GRK7: variants seen among roughly 807,000 people sequenced by gnomAD.
The protein encoded by GRK7 is rhodopsin kinase GRK7.
GRK7 carries 24 observed loss-of-function variants against 34.1 expected under a neutral mutation model. The observed-to-expected ratio is 0.70, with a 90% CI of 0.51 to 0.99. The LOEUF is 0.99. GRK7 is among the 50% of genes least tolerant of loss of function. GRK7 has a pLI of 0.00. For synonymous variants in GRK7, 256 were observed against 279.4 expected (o/e 0.92, Z 0.84); for missense variants, 644 against 707.3 (o/e 0.91, Z 1.02).
intron 4 of GRK7, among the ~76,000 whole-genome samples, chr3:141,788,349 G>A (rs1421919964): frequency 6.6e-6 from 1 of 152,206 alleles, no homozygotes. Flanking sequence ...GGGGAGAAAC[G>A]GGAACCCACC....
the GRK7 span, among the ~76,000 whole-genome samples, chr3:141,753,463 T>G: frequency 4.6e-5 from 7 of 152,222 alleles, no homozygotes; most frequent in Non-Finnish European, 1.0e-4. Context: ...CTGTTCCACC[T>G]CAGATCCTCA....
intron 1 of GRK7, among the ~76,000 whole-genome samples, chr3:141,771,651 T>C (rs550292697): frequency 1.8e-4 from 28 of 152,296 alleles, no homozygotes; most frequent in African/African-American, 6.5e-4. Flanking sequence ...CATTATGTAA[T>C]ATAGCCATAT....
At chr3:141,777,491 A>ATTTTTTTTTTTTTTTTTTTTTTTTTTTT (rs530806848) in intron 2 of GRK7, among the ~76,000 whole-genome samples, 1 of 80,594 alleles carries the variant, frequency 1.2e-5, no homozygotes, top group African/African-American at 5.9e-5. Flanking sequence ...AGCCCGGCTA[A>ATTTTTTTTTTTTTTTTTTTTTTTTTTTT]TTTTTTTTTT....
At position 141,807,656 on chromosome 3, in the gene GRK7, T is replaced by A. The variant is rs776739277; in HGVS notation, c.1062T>A (p.Asn354Lys). Residue 354 changes from asparagine to lysine, a missense_variant, in exon 5 of 6, where the codon AAT becomes AAA. By Grantham distance (94) the Asn-to-Lys change is moderately conservative (BLOSUM62 0). Coordinates refer to ENST00000682958, the MANE Select transcript of GRK7 (RefSeq NM_139209.3). ...GKPITQRAGT[N>K]GYMAPEILME... The stretch of plus-strand genomic sequence containing the variant: ...TTGGGATGTTACAGGCTGGAACCAA[T>A]GGTTACATGGCTCCTGAGATCCTAA... 1.4e-5 allele frequency: 23 copies of A among 1,613,858 alleles called. No individual in the cohort carries two copies. The Admixed American group carries it at 1.5e-4, about 11-fold the overall frequency.
intron 4 of GRK7, among the ~76,000 whole-genome samples, chr3:141,800,071 A>G (rs564142275): frequency 6.6e-6 from 1 of 152,332 alleles, no homozygotes; most frequent in East Asian, 1.9e-4. Context: ...GATGTTGTTT[A>G]TAGTCTCTTT....
chr3:141,754,964 A>G, the GRK7 span, among the ~76,000 whole-genome samples: 1 of 152,174 alleles, frequency 6.6e-6, no homozygotes, highest in African/African-American at 2.4e-5. Context: ...ACAAATTTGG[A>G]TAGTCCTTAA....
At chr3:141,789,981 T>C (rs951202372) in intron 4 of GRK7, among the ~76,000 whole-genome samples, 1 of 152,164 alleles carries the variant, frequency 6.6e-6, no homozygotes, top group Non-Finnish European at 1.5e-5. Context: ...TTCATGCACA[T>C]GGCAACATAT....
At chr3:141,751,695 A>C in the GRK7 span, among the ~76,000 whole-genome samples, 2 of 152,244 alleles carry the variant, frequency 1.3e-5, no homozygotes, top group Non-Finnish European at 2.9e-5. Context: ...GTGTTGTCTA[A>C]TAGTATAGCT....
chr3:141,815,979 CA>C (rs1265969062), intron 5 of GRK7, among the ~76,000 whole-genome samples: 1 of 152,058 alleles, frequency 6.6e-6, no homozygotes, highest in Non-Finnish European at 1.5e-5. Context: ...GAAGCTGTGA[CA>C]TAATAAATGT....
chr3:141,787,507 C>T (rs545702689), intron 4 of GRK7, among the ~76,000 whole-genome samples: 1 of 151,828 alleles, frequency 6.6e-6, no homozygotes, highest in African/African-American at 2.4e-5. Context: ...ACCTGTAATC[C>T]CAGCTACTCA....
intron 4 of GRK7, among the ~76,000 whole-genome samples, chr3:141,786,290 G>A (rs1029221017): frequency 6.6e-6 from 1 of 152,134 alleles, no homozygotes; most frequent in Non-Finnish European, 1.5e-5. Context: ...TACTTTTACA[G>A]ACATTGGAAC....
intron 4 of GRK7, among the ~76,000 whole-genome samples, chr3:141,802,395 CAT>C (rs1553737501): frequency 1.3e-5 from 2 of 151,678 alleles, no homozygotes; most frequent in Non-Finnish European, 2.9e-5. Context: ...CACACACACA[CAT>C]AGTGTGAGAT....
chr3:141,754,403 A>G, the GRK7 span, among the ~76,000 whole-genome samples: 2 of 144,110 alleles, frequency 1.4e-5, no homozygotes, highest in East Asian at 4.0e-4. Context: ...ATTGACTTGT[A>G]CTCGGTGAAG....
the GRK7 span, among the ~76,000 whole-genome samples, chr3:141,750,608 C>T: frequency 6.6e-6 from 1 of 152,130 alleles, no homozygotes; most frequent in African/African-American, 2.4e-5. Flanking sequence ...TTGATCACTA[C>T]TGATGCTGGT....
chr3:141,806,786 A>G (rs1711041071), intron 4 of GRK7, among the ~76,000 whole-genome samples: 1 of 152,016 alleles, frequency 6.6e-6, no homozygotes, highest in Non-Finnish European at 1.5e-5. Context: ...GTTTTGCAAG[A>G]TGAGTAGTTC....
At chr3:141,805,449 T>G (rs1711025834) in intron 4 of GRK7, among the ~76,000 whole-genome samples, 1 of 152,198 alleles carries the variant, frequency 6.6e-6, no homozygotes, top group African/African-American at 2.4e-5. Context: ...CAGAGGCGCC[T>G]ACAGGACCCT....
intron 4 of GRK7, among the ~76,000 whole-genome samples, chr3:141,801,310 C>CAAAAAAAA (rs55657739): frequency 3.6e-4 from 25 of 70,004 alleles, no homozygotes; most frequent in South Asian, 5.8e-4. Context: ...GACTCCGTCT[C>CAAAAAAAA]AAAAAAAAAA....
At chr3:141,802,795 G>A (rs566889858) in intron 4 of GRK7, among the ~76,000 whole-genome samples, 34 of 152,134 alleles carry the variant, frequency 2.2e-4, no homozygotes, top group African/African-American at 7.5e-4. Context: ...CAATGGAAAC[G>A]GGAGATGGGA....
intron 2 of GRK7, among the ~76,000 whole-genome samples, chr3:141,777,677 T>C (rs1420127824): frequency 6.6e-6 from 1 of 151,536 alleles, no homozygotes; most frequent in African/African-American, 2.4e-5. Flanking sequence ...TCAGGGTGCA[T>C]CTGCCCTGGC....
Sources: allele counts gnomAD v4.1 joint callset (sites outside exome capture counted in the v4.1 genomes callset), GRCh38; gene constraint gnomAD v4.1.1; transcripts MANE v1.5; gene names NCBI Gene and HGNC (gene_info 2026-07-23, HGNC 2026-07-21).